The following AGBL4 variants were observed in gnomAD, a reference collection of about 807,000 sequenced individuals.
AGBL4 encodes the protein AGBL carboxypeptidase 4.
Under a neutral mutation model 66.4 loss-of-function variants are expected in AGBL4, and 58 were observed. The observed-to-expected ratio is 0.87, with a 90% CI of 0.71 to 1.09. The LOEUF (loss-of-function observed/expected upper bound fraction) is 1.09. Among genes scored for constraint, AGBL4 ranks in the 50% least tolerant of loss-of-function variants. The pLI is 0.00. For synonymous variants in AGBL4, 234 were observed against 222.9 expected (o/e 1.05, Z -0.44); for missense variants, 579 against 631.0 (o/e 0.92, Z 0.88).
intron 6 of AGBL4, among the ~76,000 whole-genome samples, chr1:48,766,920 T>C (rs1449529246): frequency 6.6e-6 from 1 of 152,218 alleles, no homozygotes; most frequent in Non-Finnish European, 1.5e-5. Flanking sequence ...TACAACCCAG[T>C]ATATGATAAG....
chr1:48,807,678 G>C (rs1431081485), intron 6 of AGBL4, among the ~76,000 whole-genome samples: 1 of 152,090 alleles, frequency 6.6e-6, no homozygotes, highest in Non-Finnish European at 1.5e-5. Context: ...CTTTTATCCA[G>C]CCAATTTATA....
At position 49,423,537 on chromosome 1, in the gene AGBL4, T is replaced by C. The variant is rs539329761; in HGVS notation, c.283-177673A>G. On this transcript the variant is annotated intron_variant, in intron 3 of 13. Transcript: ENST00000371839. ...TTAACTAGGGCAACTAGGCCAGGCA[T>C]GGTGGCTCACACCTGTAATCCCAGC... 2.6e-5 allele frequency among the ~76,000 whole-genome samples: 4 copies of C among 152,206 alleles called. No homozygotes were observed. In the East Asian group the frequency reaches 7.7e-4, roughly 29 times the overall value.
chr1:49,382,525 G>A (rs111952408), intron 3 of AGBL4, among the ~76,000 whole-genome samples: 3,634 of 151,958 alleles, frequency 0.024, 123 homozygotes, highest in African/African-American at 0.083. Flanking sequence ...CAACATAAAG[G>A]TCATATATGA....
chr1:48,786,852 CTG>C (rs1460253307), intron 6 of AGBL4, among the ~76,000 whole-genome samples: 2 of 152,126 alleles, frequency 1.3e-5, no homozygotes, highest in African/African-American at 4.8e-5. Flanking sequence ...AGAGATATCT[CTG>C]TGAAAAATGT....
intron 4 of AGBL4, among the ~76,000 whole-genome samples, chr1:49,114,304 C>T (rs1445966823): frequency 6.6e-6 from 1 of 152,168 alleles, no homozygotes; most frequent in African/African-American, 2.4e-5. Flanking sequence ...GAACCAACCT[C>T]TGCTAACTTC....
chr1:49,113,844 T>C (rs561245522), intron 4 of AGBL4, among the ~76,000 whole-genome samples: 8 of 152,296 alleles, frequency 5.3e-5, no homozygotes, highest in African/African-American at 9.6e-5. Flanking sequence ...ATTTTTTTTT[T>C]CCCTGAGAAG....
At chr1:49,989,989 ATACT>A (rs1644252844) in intron 1 of AGBL4, among the ~76,000 whole-genome samples, 1 of 152,166 alleles carries the variant, frequency 6.6e-6, no homozygotes, top group Non-Finnish European at 1.5e-5. Context: ...AACACAAAAA[ATACT>A]TAGTGAGTGA....
intron 6 of AGBL4, among the ~76,000 whole-genome samples, chr1:48,807,910 C>T (rs932722958): frequency 2.0e-4 from 30 of 152,088 alleles, no homozygotes; most frequent in African/African-American, 5.6e-4. Flanking sequence ...ACTGCATCAT[C>T]TTAATCTCCT....
chr1:48,612,876 G>A (rs974385275), intron 9 of AGBL4, among the ~76,000 whole-genome samples: 2 of 152,202 alleles, frequency 1.3e-5, no homozygotes, highest in Non-Finnish European at 2.9e-5. Flanking sequence ...GCTCACGCCT[G>A]TAATCCCAGC....
intron 5 of AGBL4, among the ~76,000 whole-genome samples, chr1:48,967,183 C>A (rs1023308684): frequency 1.3e-5 from 2 of 152,042 alleles, no homozygotes; most frequent in African/African-American, 4.8e-5. Context: ...ACTTCATGGT[C>A]CTTAATTCCC....
intron 4 of AGBL4, among the ~76,000 whole-genome samples, chr1:49,205,781 T>G (rs1170526786): frequency 6.6e-6 from 1 of 152,152 alleles, no homozygotes; most frequent in East Asian, 1.9e-4. Context: ...ATTGTAAAAT[T>G]ATAAATAAAT....
At chr1:48,862,671 C>T (rs1041871872) in intron 6 of AGBL4, among the ~76,000 whole-genome samples, 1 of 152,192 alleles carries the variant, frequency 6.6e-6, no homozygotes, top group Non-Finnish European at 1.5e-5. Flanking sequence ...CTGGACTCTG[C>T]AAATGGCAAG....
intron 3 of AGBL4, among the ~76,000 whole-genome samples, chr1:49,359,229 A>G (rs1344111270): frequency 3.3e-5 from 5 of 152,178 alleles, no homozygotes; most frequent in South Asian, 2.1e-4. Context: ...GCTACTGAAT[A>G]GGATTTAGTA....
chr1:48,620,636 GT>G (rs1645397846), intron 9 of AGBL4, among the ~76,000 whole-genome samples: 1 of 152,120 alleles, frequency 6.6e-6, no homozygotes. Context: ...AAATGCTTAA[GT>G]TTAAAGATGG....
At chr1:49,957,721 T>C (rs1656743186) in intron 1 of AGBL4, among the ~76,000 whole-genome samples, 1 of 152,118 alleles carries the variant, frequency 6.6e-6, no homozygotes, top group Non-Finnish European at 1.5e-5. Flanking sequence ...TCGTAGATCT[T>C]CCTCCATCCC....
chr1:49,699,566 G>C (rs1327523536), intron 2 of AGBL4, among the ~76,000 whole-genome samples: 4 of 151,778 alleles, frequency 2.6e-5, no homozygotes, highest in Admixed American at 2.0e-4. Flanking sequence ...ATATGTAAAT[G>C]GATTAAAATT....
At chr1:49,145,763 C>A (rs1341237102) in intron 4 of AGBL4, among the ~76,000 whole-genome samples, 7 of 152,054 alleles carry the variant, frequency 4.6e-5, no homozygotes, top group African/African-American at 1.2e-4. Flanking sequence ...GGTATATACC[C>A]AAAACAAAGG....
Position 49,314,063 on chromosome 1 carries a change from T to C in AGBL4, c.283-68199A>G, listed in dbSNP as rs562638411. On this transcript the variant is annotated intron_variant, in intron 3 of 13. Coordinates refer to ENST00000371839, the MANE Select transcript of AGBL4 (RefSeq NM_032785.4). ...TTTTGTATAAGTTGTAAGGAAGGGGTCCAGCTTCAGTGTTCTGCATATGGC... is the reference window on the plus strand; with the variant it reads ...TTTTGTATAAGTTGTAAGGAAGGGGCCCAGCTTCAGTGTTCTGCATATGGC... Among the ~76,000 whole-genome samples the C allele has an allele frequency of 6.6e-5, 10 of 152,264 alleles. No homozygotes were observed. In the South Asian group the frequency reaches 8.3e-4, roughly 13 times the overall value.
intron 3 of AGBL4, among the ~76,000 whole-genome samples, chr1:49,683,596 C>T (rs1646736352): frequency 6.6e-6 from 1 of 152,094 alleles, no homozygotes; most frequent in Admixed American, 6.6e-5. Context: ...GCTATGTTAG[C>T]ATCAGCAATG....
Sources: allele counts gnomAD v4.1 joint callset (sites outside exome capture counted in the v4.1 genomes callset), GRCh38; gene constraint gnomAD v4.1.1; transcripts MANE v1.5; gene names NCBI Gene and HGNC (gene_info 2026-07-23, HGNC 2026-07-21).